FUT9: variants seen among roughly 807,000 people sequenced by gnomAD.
FUT9 encodes the protein fucosyltransferase 9.
Under a neutral mutation model 29.7 loss-of-function variants are expected in FUT9, and 15 were observed. The ratio of observed to expected loss-of-function variants is 0.51; its 90% confidence interval spans 0.34 to 0.78. The LOEUF (loss-of-function observed/expected upper bound fraction) is 0.78. Among genes scored for constraint, FUT9 ranks in the 30% least tolerant of loss-of-function variants. FUT9 has a pLI of 0.01. For missense variants in FUT9, 319 were observed against 425.4 expected (o/e 0.75, Z 2.20); for synonymous variants, 169 against 153.7 (o/e 1.10, Z -0.74).
intron 1 of FUT9, among the ~76,000 whole-genome samples, chr6:96,047,636 T>C (rs957455068): frequency 1.2e-4 from 18 of 152,304 alleles, no homozygotes; most frequent in Non-Finnish European, 2.1e-4. Flanking sequence ...GGCAGGAGCC[T>C]CACTCTCCTC....
chr6:96,163,433 A>G (rs937503778), intron 2 of FUT9, among the ~76,000 whole-genome samples: 2 of 152,198 alleles, frequency 1.3e-5, no homozygotes, highest in African/African-American at 2.4e-5. Context: ...TGAAAATCTA[A>G]CTTAAGAGTA....
At chr6:96,076,368 A>G (rs1771142784) in intron 1 of FUT9, among the ~76,000 whole-genome samples, 1 of 152,228 alleles carries the variant, frequency 6.6e-6, no homozygotes, top group African/African-American at 2.4e-5. Flanking sequence ...TCTGGGAATT[A>G]CCTGAGGGCT....
rs11295841 is a variant in FUT9 at position 96,208,212 on chromosome 6, A to AT, written c.*3985dup. The AT allele has an allele frequency of 4.1e-4, 69 of 166,522 alleles. No individual in the cohort carries two copies. Among genetic ancestry groups the AT allele is most frequent in the African/African-American group, 1.6e-3 (65 of 41,324 alleles). 10.3% of individuals were successfully genotyped at this position (166,522 alleles called of 1,614,324 possible). On this transcript the variant is annotated 3_prime_UTR_variant, in exon 3 of 3. Transcript: ENST00000302103. Reference sequence around the variant, plus strand: ...AAGAATAGGAAACTATGCCTCTGATATTTTTTTTGTCAGCCTATTTTTAAA... The same window carrying AT: ...AAGAATAGGAAACTATGCCTCTGATATTTTTTTTTGTCAGCCTATTTTTAAA...
intron 1 of FUT9, among the ~76,000 whole-genome samples, chr6:96,075,771 A>C (rs147486800): frequency 1.3e-5 from 2 of 152,152 alleles, no homozygotes; most frequent in Non-Finnish European, 2.9e-5. Flanking sequence ...TTTTATGTCA[A>C]CTTAAGTTCA....
chr6:96,073,693 A>T (rs1582211490), intron 1 of FUT9, among the ~76,000 whole-genome samples: 1 of 152,100 alleles, frequency 6.6e-6, no homozygotes, highest in Admixed American at 6.5e-5. Context: ...TGAAAGGGCG[A>T]TGGGGAACAG....
chr6:96,112,253 CTACCT>C (rs1211734227), intron 1 of FUT9, among the ~76,000 whole-genome samples: 1 of 152,118 alleles, frequency 6.6e-6, no homozygotes, highest in Non-Finnish European at 1.5e-5. Context: ...AAACTAAAAC[CTACCT>C]TACAATAATG....
rs115798572 is a variant in FUT9, at chr6:96,073,585, T to G, written c.-97-40454T>G. Among the ~76,000 whole-genome samples, 925 of 151,712 alleles carry G rather than the reference T, an allele frequency of 6.1e-3. 14 individuals carry two copies. Among genetic ancestry groups the G allele is most frequent in the African/African-American group, 0.021 (883 of 41,322 alleles). On this transcript the variant is annotated intron_variant, in intron 1 of 2. Coordinates refer to ENST00000302103, the MANE Select transcript of FUT9 (RefSeq NM_006581.4). ...GATAAGCAGGTCTAAATATCAAGAG[T>G]GAGGTCAGGTTGAGAAATGGATTGA...
intron 1 of FUT9, among the ~76,000 whole-genome samples, chr6:96,098,487 A>T (rs539651156): frequency 2.0e-5 from 3 of 152,140 alleles, no homozygotes; most frequent in African/African-American, 7.2e-5. Flanking sequence ...CTATTGCCCT[A>T]GTGGACTTTT....
At chr6:96,199,011 T>C (rs1447903772) in intron 2 of FUT9, among the ~76,000 whole-genome samples, 1 of 152,224 alleles carries the variant, frequency 6.6e-6, no homozygotes, top group East Asian at 1.9e-4. Context: ...ATACCAAGTC[T>C]TGTTAAGCAG....
At chr6:96,140,683 GC>G (rs1434962022) in intron 2 of FUT9, among the ~76,000 whole-genome samples, 1 of 152,116 alleles carries the variant, frequency 6.6e-6, no homozygotes, top group Non-Finnish European at 1.5e-5. Flanking sequence ...CAAGAGAACT[GC>G]CCTTTATAAA....
At chr6:96,139,437 G>A (rs545459635) in intron 2 of FUT9, among the ~76,000 whole-genome samples, 85 of 152,208 alleles carry the variant, frequency 5.6e-4, no homozygotes, top group African/African-American at 1.9e-3. Context: ...CAAGCTGTTT[G>A]TATATCTATT....
chr6:96,017,675 T>G (rs1224157679), intron 1 of FUT9, among the ~76,000 whole-genome samples: 1 of 152,158 alleles, frequency 6.6e-6, no homozygotes, highest in East Asian at 1.9e-4. Context: ...CGGATAAGAA[T>G]ATCCAGAAAT....
At chr6:96,083,215 A>C (rs1771266039) in intron 1 of FUT9, among the ~76,000 whole-genome samples, 1 of 152,020 alleles carries the variant, frequency 6.6e-6, no homozygotes, top group African/African-American at 2.4e-5. Context: ...GTGGGCACTT[A>C]AAAAACTTGA....
intron 1 of FUT9, among the ~76,000 whole-genome samples, chr6:96,061,726 T>A (rs1276938242): frequency 1.3e-5 from 2 of 152,234 alleles, no homozygotes; most frequent in African/African-American, 4.8e-5. Context: ...AAGTGGTGTC[T>A]AGCTACTTTT....
chr6:96,032,971 A>G (rs1302768485), intron 1 of FUT9, among the ~76,000 whole-genome samples: 5 of 151,674 alleles, frequency 3.3e-5, no homozygotes, highest in Non-Finnish European at 7.4e-5. Flanking sequence ...TCAACTCGGC[A>G]TGACGGTTTT....
At chr6:96,121,447 A>G (rs1162249403) in intron 2 of FUT9, among the ~76,000 whole-genome samples, 1 of 152,176 alleles carries the variant, frequency 6.6e-6, no homozygotes, top group Non-Finnish European at 1.5e-5. Flanking sequence ...TTCACAGTGA[A>G]CTAGCCCCCC....
intron 1 of FUT9, among the ~76,000 whole-genome samples, chr6:96,051,905 A>G (rs1770677423): frequency 6.6e-6 from 1 of 152,172 alleles, no homozygotes; most frequent in Non-Finnish European, 1.5e-5. Context: ...GATGTCTCTG[A>G]AAAAGGACTG....
chr6:96,176,603 T>A (rs1773209253), intron 2 of FUT9, among the ~76,000 whole-genome samples: 2 of 152,192 alleles, frequency 1.3e-5, no homozygotes, highest in African/African-American at 4.8e-5. Context: ...TGGGAAATTT[T>A]GCTTTTTCAT....
intron 1 of FUT9, among the ~76,000 whole-genome samples, chr6:96,024,593 G>C (rs1454693492): frequency 2.0e-5 from 3 of 151,728 alleles, no homozygotes; most frequent in Non-Finnish European, 4.4e-5. Context: ...ACCTCTGGCT[G>C]ACTCAGTCTT....
Sources: allele counts gnomAD v4.1 joint callset (sites outside exome capture counted in the v4.1 genomes callset), GRCh38; gene constraint gnomAD v4.1.1; transcripts MANE v1.5; gene names NCBI Gene and HGNC (gene_info 2026-07-23, HGNC 2026-07-21).